Variants in ZNF324B observed in about 807,000 individuals in gnomAD.
ZNF324B encodes the protein zinc finger protein 324B.
A neutral mutation model predicts 10.6 loss-of-function variants in ZNF324B; 7 were observed. That is an observed-to-expected ratio of 0.66 (90% CI 0.38 to 1.24). The LOEUF (loss-of-function observed/expected upper bound fraction) is 1.24. Ranked by LOEUF, ZNF324B falls within the 50% of genes most tolerant of loss-of-function variation. The pLI, the probability that ZNF324B is intolerant of heterozygous loss-of-function variation, is 0.02. For synonymous variants in ZNF324B, 316 were observed against 321.0 expected, an observed-to-expected ratio of 0.98 and a Z score of 0.17; for missense variants, 640 against 764.7, an observed-to-expected ratio of 0.84 and a Z score of 1.92.
At chr19:58,428,901 G>A in the ZNF324B span, 1 of 152,208 alleles carries the variant, frequency 6.6e-6, no homozygotes, top group African/African-American at 2.4e-5. Flanking sequence ...CATGAGTCAT[G>A]AGCCATGGGC....
chr19:58,453,618 C>T (rs1368794010), intron 1 of ZNF324B, 78 bp from the exon 2 acceptor site: 1 of 1,573,288 alleles, frequency 6.4e-7, no homozygotes, highest in East Asian at 2.6e-5. Context: ...GGGGAGGTGA[C>T]TGTTGGGATG....
the ZNF324B span, chr19:58,433,417 A>G: frequency 6.2e-7 from 1 of 1,614,154 alleles, no homozygotes; most frequent in Non-Finnish European, 8.5e-7. Flanking sequence ...TCTGGTGTGA[A>G]CTTTCTGGTG....
At chr19:58,445,011 C>T in the ZNF324B span, 1 of 209,416 alleles carries the variant, frequency 4.8e-6, no homozygotes, top group Non-Finnish European at 9.5e-6. Flanking sequence ...ATGGTCATAC[C>T]CTAATGAAGG....
At chr19:58,453,546 A>G in intron 1 of ZNF324B, 150 bp from the exon 2 acceptor site, 1 of 1,070,950 alleles carries the variant, frequency 9.3e-7, no homozygotes, top group Admixed American at 1.9e-5. Flanking sequence ...GGTCCCAGAC[A>G]GGTGAGGGAA....
chr19:58,443,295 C>G, the ZNF324B span: 1 of 152,360 alleles, frequency 6.6e-6, no homozygotes. Context: ...TAGCTAGACA[C>G]AGAGCGCTGA....
At chr19:58,452,742 A>G in intron 1 of ZNF324B, 3 of 757,810 alleles carry the variant, frequency 4.0e-6, no homozygotes, top group Non-Finnish European at 4.8e-6. Context: ...TGGACTGAAG[A>G]AGGCGATGAG....
At chr19:58,443,735 C>A in the ZNF324B span, 1 of 152,232 alleles carries the variant, frequency 6.6e-6, no homozygotes, top group African/African-American at 2.4e-5. Flanking sequence ...TGCCAGCTGT[C>A]CCTTGTGAGT....
rs1416822744 is a variant in ZNF324B at position 58,456,942 on chromosome 19, G to A, written c.*363G>A. On this transcript the variant is annotated 3_prime_UTR_variant, in exon 4 of 4. Coordinates refer to ENST00000336614, the MANE Select transcript of ZNF324B (RefSeq NM_207395.3). The surrounding 1 kb of genome is among the most constrained non-coding windows in gnomAD (Gnocchi z 4.7). ...GTGGATGCTGAGGTGAGGGGGATGC[G>A]GACATGGGGTAGGATGACCTAGAGA... 3.2e-6 allele frequency: 1 copy of A among 314,864 alleles called. No individual in the cohort carries two copies. Among genetic ancestry groups the A allele is most frequent in the Non-Finnish European group, 6.0e-6 (1 of 168,004 alleles). The allele number at this position is 314,864 out of a possible 1,614,324, so 19.5% of individuals were successfully genotyped here.
At chr19:58,453,609 G>A (rs2052883336) in intron 1 of ZNF324B, 87 bp from the exon 2 acceptor site, 2 of 1,549,466 alleles carry the variant, frequency 1.3e-6, no homozygotes, top group Non-Finnish European at 1.8e-6. Flanking sequence ...GGGACACTGG[G>A]GGAGGTGACT....
chr19:58,453,925 A>C, intron 2 of ZNF324B, 103 bp downstream of exon 2: 1 of 1,497,884 alleles, frequency 6.7e-7, no homozygotes, highest in South Asian at 1.3e-5. Flanking sequence ...GGCCAGGGCC[A>C]CGTGGAACAA....
chr19:58,441,317 G>C, the ZNF324B span: 1 of 152,442 alleles, frequency 6.6e-6, no homozygotes, highest in Non-Finnish European at 1.5e-5. Flanking sequence ...GAAGCAGGGA[G>C]ACTGTGGGGG....
chr19:58,447,826 G>A (rs1284830493), upstream of ZNF324B, among the ~76,000 whole-genome samples: 5 of 152,228 alleles, frequency 3.3e-5, no homozygotes, highest in Non-Finnish European at 5.9e-5. Flanking sequence ...TGGGAGATAA[G>A]TGAGTCATGG....
upstream of ZNF324B, among the ~76,000 whole-genome samples, chr19:58,446,831 T>C (rs1160430041): frequency 2.0e-5 from 3 of 152,092 alleles, no homozygotes; most frequent in Non-Finnish European, 4.4e-5. Context: ...CACCTCGGCC[T>C]CCCAAAGTGC....
At chr19:58,446,573 C>CTCTCTCTT in the ZNF324B span, among the ~76,000 whole-genome samples, 8 of 102,510 alleles carry the variant, frequency 7.8e-5, no homozygotes, top group African/African-American at 2.8e-4. Context: ...ATTTCTTTCT[C>CTCTCTCTT]TTTTTTTTTT....
chr19:58,419,657 A>G, the ZNF324B span, among the ~76,000 whole-genome samples: 10 of 152,308 alleles, frequency 6.6e-5, no homozygotes, highest in South Asian at 1.9e-3. Flanking sequence ...GAAAGATTCT[A>G]TAGTCCTGGG....
In ZNF324B at chr19:58,455,406, C is replaced by G. The variant is rs1190111205; in HGVS notation, c.462C>G (p.Asp154Glu). ...WERLLLGSRS[D>E]QASISLRLTS... ...GGCTCCTGCTAGGCTCGCGCAGTGA[C>G]CAGGCCAGCATCAGCCTGCGACTGA... Residue 154 changes from aspartate to glutamate, a missense_variant, in exon 4 of 4, where the codon GAC becomes GAG. Coordinates refer to ENST00000336614, the MANE Select transcript of ZNF324B (RefSeq NM_207395.3). This position sits in a 1 kb window ranked among gnomAD's most constrained non-coding sequence, Gnocchi z 7.0. The G allele has an allele frequency of 1.2e-6, 2 of 1,614,066 alleles. No homozygotes were observed. Among genetic ancestry groups the G allele is most frequent in the Admixed American group, 3.3e-5 (2 of 60,008 alleles).
chr19:58,438,600 AGTAGC>A, the ZNF324B span, among the ~76,000 whole-genome samples: 1 of 150,784 alleles, frequency 6.6e-6, no homozygotes, highest in Non-Finnish European at 1.5e-5. Flanking sequence ...CAGCCTCCCG[AGTAGC>A]TGGGACTACA....
chr19:58,436,816 A>G, the ZNF324B span: 3 of 666,434 alleles, frequency 4.5e-6, no homozygotes, highest in Non-Finnish European at 8.2e-6. Context: ...CTGATCCCCA[A>G]CCTTTGCCTC....
At chr19:58,420,038 T>C in the ZNF324B span, among the ~76,000 whole-genome samples, 1 of 152,158 alleles carries the variant, frequency 6.6e-6, no homozygotes, top group Non-Finnish European at 1.5e-5. Context: ...TCCTAGCACT[T>C]TGGGAGGCCA....
Sources: gnomAD v4.1 joint callset for allele counts (sites outside exome capture counted in the v4.1 genomes callset) on GRCh38, gnomAD v4.1.1 for gene constraint, Gnocchi (gnomAD v3.1) non-coding constraint, MANE v1.5 for transcripts, NCBI Gene and HGNC (gene_info 2026-07-23, HGNC 2026-07-21) for gene names.